The following ROBO2 variants were observed in gnomAD, a reference collection of about 807,000 sequenced individuals.
The protein encoded by ROBO2 is roundabout guidance receptor 2, also known as roundabout homolog 2.
A neutral mutation model predicts 160.8 loss-of-function variants in ROBO2; 53 were observed. That is an observed-to-expected ratio of 0.33 (90% CI 0.26 to 0.41). The LOEUF is 0.41. Among genes scored for constraint, ROBO2 ranks in the 10% least tolerant of loss-of-function variants. The probability of loss-of-function intolerance (pLI) is 1.00; values close to 1 mark genes in which losing one functional copy is unlikely to be tolerated. For missense variants in ROBO2, 1,577 were observed against 1,722.4 expected (o/e 0.92, Z 1.49); for synonymous variants, 664 against 611.7 (o/e 1.09, Z -1.26).
intron 2 of ROBO2, among the ~76,000 whole-genome samples, chr3:75,971,473 A>G (rs1386867210): frequency 6.6e-6 from 1 of 151,538 alleles, no homozygotes. Flanking sequence ...TGGTCAAGCA[A>G]TTAACCTCTG....
intron 2 of ROBO2, among the ~76,000 whole-genome samples, chr3:76,851,741 C>CAAAAAAAAA (rs71104629): frequency 1.1e-4 from 7 of 63,250 alleles, no homozygotes; most frequent in East Asian, 6.3e-4. Context: ...GACTCCGTCT[C>CAAAAAAAAA]AAAAAAAAAA....
At chr3:77,494,244 T>C (rs918317217) in intron 5 of ROBO2, among the ~76,000 whole-genome samples, 1 of 152,064 alleles carries the variant, frequency 6.6e-6, no homozygotes, top group African/African-American at 2.4e-5. Flanking sequence ...CTGCATAAAA[T>C]TGTACAGGCT....
intron 2 of ROBO2, among the ~76,000 whole-genome samples, chr3:76,805,269 C>T (rs1204657347): frequency 1.3e-5 from 2 of 151,978 alleles, no homozygotes; most frequent in Non-Finnish European, 2.9e-5. Flanking sequence ...ACTTCACCTT[C>T]GATTATTTTT....
At chr3:77,526,363 A>G (rs940399169) in intron 6 of ROBO2, among the ~76,000 whole-genome samples, 2 of 151,508 alleles carry the variant, frequency 1.3e-5, no homozygotes, top group Admixed American at 1.3e-4. Context: ...AACTATTGGT[A>G]TGTTCCAGAG....
At chr3:76,148,302 C>A (rs150362419) in intron 2 of ROBO2, among the ~76,000 whole-genome samples, 484 of 152,050 alleles carry the variant, frequency 3.2e-3, no homozygotes, top group Non-Finnish European at 5.0e-3. Flanking sequence ...GAAGACAGCT[C>A]CCCTAGATAT....
intron 2 of ROBO2, among the ~76,000 whole-genome samples, chr3:76,455,210 C>A (rs1242095221): frequency 6.6e-6 from 1 of 152,082 alleles, no homozygotes; most frequent in Non-Finnish European, 1.5e-5. Context: ...TGCTATCCAG[C>A]TTCCTTGCTT....
At position 77,192,085 on chromosome 3, in the gene ROBO2, A is replaced by G. The variant is rs140023076; in HGVS notation, c.388+93745A>G. Among the ~76,000 whole-genome samples, 9 of 152,326 alleles carry G rather than the reference A, an allele frequency of 5.9e-5. No individual in the cohort carries two copies. In the East Asian group the frequency reaches 1.5e-3, roughly 26 times the overall value. ...GAAAGTAAGCAATGTAACATTATTT[A>G]GCGAAGTTGGATATGCAATTTTTGA... On this transcript the variant is annotated intron_variant, in intron 2 of 25. Transcript: ENST00000461745.
chr3:77,025,531 C>T (rs1160949156), intron 2 of ROBO2, among the ~76,000 whole-genome samples: 1 of 152,140 alleles, frequency 6.6e-6, no homozygotes, highest in Non-Finnish European at 1.5e-5. Flanking sequence ...AGACAAATTG[C>T]TCCCAAATGA....
In ROBO2 at chr3:76,819,452, A is replaced by C. The variant is rs187066032; in HGVS notation, c.110-278562A>C. 2.6e-3 allele frequency among the ~76,000 whole-genome samples: 402 copies of C among 152,184 alleles called. 19 individuals carry two copies. Among genetic ancestry groups the C allele is most frequent in the Admixed American group, 0.026 (390 of 15,236 alleles). On this transcript the variant is annotated intron_variant, in intron 2 of 26. Coordinates refer to the ROBO2 transcript ENST00000487694. ...AGGCTGCTTGACTCTGAGGGGTAGC[A>C]GGACTCTGAGTGCTGTCCTTTAAAG...
chr3:75,967,441 T>C (rs1029949632), intron 2 of ROBO2, among the ~76,000 whole-genome samples: 1 of 151,540 alleles, frequency 6.6e-6, no homozygotes, highest in Non-Finnish European at 1.5e-5. Context: ...AAAATAATTC[T>C]AGGTGTCCCT....
intron 2 of ROBO2, among the ~76,000 whole-genome samples, chr3:77,287,725 T>A (rs1251892674): frequency 5.9e-5 from 9 of 152,198 alleles, no homozygotes. Context: ...AAAGGATGAC[T>A]GCAATTCAGA....
At position 76,722,562 on chromosome 3, in the gene ROBO2, C is replaced by T. The variant is rs140573597; in HGVS notation, c.110-375452C>T. On this transcript the variant is annotated intron_variant, in intron 2 of 26. Transcript: ENST00000487694. ...CATCATAACCTAATTTTAGAATATA[C>T]CACTTAAATGAAACCTGGTGTTTAT... Among the ~76,000 whole-genome samples the T allele has an allele frequency of 9.8e-3, 1,496 of 152,172 alleles. 30 individuals carry two copies. Among genetic ancestry groups the T allele is most frequent in the African/African-American group, 0.033 (1,378 of 41,508 alleles).
At chr3:76,693,048 C>A (rs1461806471) in intron 2 of ROBO2, among the ~76,000 whole-genome samples, 2 of 147,794 alleles carry the variant, frequency 1.4e-5, no homozygotes, top group South Asian at 4.3e-4. Context: ...GTCTCTCTCC[C>A]TATATATATA....
chr3:76,154,338 T>C (rs1241377348), intron 2 of ROBO2, among the ~76,000 whole-genome samples: 1 of 152,126 alleles, frequency 6.6e-6, no homozygotes, highest in Non-Finnish European at 1.5e-5. Flanking sequence ...TGTGCAGCCA[T>C]GAAGGCATTT....
chr3:77,595,152 A>G (rs1333104829), exon 18 of ROBO2: 6 of 1,611,778 alleles, frequency 3.7e-6, no homozygotes, highest in African/African-American at 1.3e-5. Flanking sequence ...TTACGTTTCA[A>G]AGAGGAGATG....
At chr3:76,907,069 T>C (rs976763407) in intron 2 of ROBO2, among the ~76,000 whole-genome samples, 1 of 152,120 alleles carries the variant, frequency 6.6e-6, no homozygotes, top group Non-Finnish European at 1.5e-5. Flanking sequence ...AATTACTCTA[T>C]CCCCAAGTGT....
chr3:76,307,319 C>T (rs1576340409), intron 2 of ROBO2, among the ~76,000 whole-genome samples: 1 of 152,356 alleles, frequency 6.6e-6, no homozygotes, highest in East Asian at 1.9e-4. Flanking sequence ...TCTTCTCTCT[C>T]ACTGAACTTC....
chr3:76,451,235 C>G (rs1035357397), intron 2 of ROBO2, among the ~76,000 whole-genome samples: 2 of 152,098 alleles, frequency 1.3e-5, no homozygotes, highest in African/African-American at 4.8e-5. Context: ...TCTCCTTGTC[C>G]CCATAAGTGA....
At chr3:76,125,829 T>TTTA (rs1252760249) in intron 2 of ROBO2, among the ~76,000 whole-genome samples, 2 of 152,188 alleles carry the variant, frequency 1.3e-5, no homozygotes, top group South Asian at 2.1e-4. Flanking sequence ...TTATTTTCTA[T>TTTA]TTATTATTAT....
Sources: allele counts gnomAD v4.1 joint callset (sites outside exome capture counted in the v4.1 genomes callset), GRCh38; gene constraint gnomAD v4.1.1; transcripts MANE v1.5; gene names NCBI Gene and HGNC (gene_info 2026-07-23, HGNC 2026-07-21).